EIF4G3: variants seen among roughly 807,000 people sequenced by gnomAD.
EIF4G3 encodes the protein eukaryotic translation initiation factor 4 gamma 3.
A neutral mutation model predicts 186.4 loss-of-function variants in EIF4G3; 34 were observed. The ratio of observed to expected loss-of-function variants is 0.18; its 90% CI spans 0.14 to 0.24. The LOEUF (loss-of-function observed/expected upper bound fraction) is 0.24. Among genes scored for constraint, EIF4G3 ranks in the 10% least tolerant of loss-of-function variants. EIF4G3 has a pLI of 1.00. For synonymous variants in EIF4G3, 673 were observed against 679.5 expected (o/e 0.99, Z 0.15); for missense variants, 1,536 against 1,948.5 (o/e 0.79, Z 3.99).
chr1:21,139,411 C>G (rs914072279), intron 2 of EIF4G3, among the ~76,000 whole-genome samples: 1 of 152,102 alleles, frequency 6.6e-6, no homozygotes, highest in Admixed American at 6.6e-5. Context: ...GCTACAATCT[C>G]ACCACTGCAC....
intron 4 of EIF4G3, among the ~76,000 whole-genome samples, chr1:21,031,870 C>CA (rs1250078724): frequency 6.6e-6 from 1 of 152,114 alleles, no homozygotes; most frequent in African/African-American, 2.4e-5. Context: ...ATACAAGTGG[C>CA]AGTTCATAAG....
intron 4 of EIF4G3, among the ~76,000 whole-genome samples, 182 bp from the exon 5 acceptor site, chr1:21,002,990 C>CT (rs5772933): frequency 0.5 from 70,730 of 141,138 alleles, 18,070 homozygotes; most frequent in East Asian, 0.76. Flanking sequence ...CCTTTTCTTT[C>CT]TTTTTTTTTT....
At chr1:20,905,152 T>G (rs548939574) in intron 14 of EIF4G3, among the ~76,000 whole-genome samples, 181 bp from the exon 15 acceptor site, 1 of 152,342 alleles carries the variant, frequency 6.6e-6, no homozygotes, top group East Asian at 1.9e-4. Flanking sequence ...ACATCAAGTG[T>G]TGTGGGTACA....
chr1:21,100,614 A>G (rs1206366809), intron 2 of EIF4G3, among the ~76,000 whole-genome samples: 2 of 152,072 alleles, frequency 1.3e-5, no homozygotes, highest in Admixed American at 1.3e-4. Context: ...TATAGTCCCA[A>G]CTACTCAGGA....
At chr1:21,119,508 T>C (rs539958952) in intron 2 of EIF4G3, among the ~76,000 whole-genome samples, 1 of 152,158 alleles carries the variant, frequency 6.6e-6, no homozygotes, top group African/African-American at 2.4e-5. Context: ...CTGGAAATCA[T>C]GCTGACTAGT....
intron 14 of EIF4G3, among the ~76,000 whole-genome samples, chr1:20,908,833 G>C (rs746403258): frequency 2.6e-5 from 4 of 152,092 alleles, no homozygotes; most frequent in Non-Finnish European, 4.4e-5. Context: ...TTTAAAAATA[G>C]TTTTCCCTGA....
At chr1:21,022,968 G>A (rs1371986309) in intron 4 of EIF4G3, among the ~76,000 whole-genome samples, 1 of 152,160 alleles carries the variant, frequency 6.6e-6, no homozygotes, top group Non-Finnish European at 1.5e-5. Flanking sequence ...CTTCGAGGAT[G>A]CTAATTAGTA....
chr1:20,823,380 A>G (rs528986490), intron 33 of EIF4G3, among the ~76,000 whole-genome samples: 9 of 151,552 alleles, frequency 5.9e-5, no homozygotes, highest in African/African-American at 2.2e-4. Context: ...GCTTTTGTTT[A>G]TTTATTTTAT....
chr1:21,110,523 G>A (rs906587348), intron 2 of EIF4G3, among the ~76,000 whole-genome samples: 1 of 152,126 alleles, frequency 6.6e-6, no homozygotes, highest in Non-Finnish European at 1.5e-5. Flanking sequence ...TTGAACTCCT[G>A]AGCTCAGGCA....
chr1:21,150,419 G>A (rs999130460), intron 2 of EIF4G3, among the ~76,000 whole-genome samples: 2 of 152,094 alleles, frequency 1.3e-5, no homozygotes, highest in African/African-American at 4.8e-5. Context: ...TGAAAAATTT[G>A]AGGGAACCTA....
At chr1:20,963,344 T>C (rs929328476) in intron 12 of EIF4G3, among the ~76,000 whole-genome samples, 4 of 151,394 alleles carry the variant, frequency 2.6e-5, no homozygotes, top group African/African-American at 9.7e-5. Flanking sequence ...AATTATCATA[T>C]AAACGAACCC....
intron 18 of EIF4G3, among the ~76,000 whole-genome samples, chr1:20,892,374 G>C (rs947190764): frequency 3.9e-5 from 6 of 152,188 alleles, no homozygotes; most frequent in African/African-American, 1.4e-4. Context: ...GGAGTAGGCA[G>C]AGCCTGCCGA....
intron 29 of EIF4G3, among the ~76,000 whole-genome samples, chr1:20,845,121 G>GT (rs1366330712): frequency 6.6e-6 from 1 of 152,036 alleles, no homozygotes; most frequent in Non-Finnish European, 1.5e-5. Context: ...TCCATCTTTA[G>GT]TTGATTTTTG....
intron 17 of EIF4G3, 54 bp from the exon 18 acceptor site, chr1:20,893,690 A>G (rs1265696806): frequency 7.0e-7 from 1 of 1,423,436 alleles, no homozygotes; most frequent in African/African-American, 1.4e-5. Context: ...ATTCCCTGCC[A>G]CAAAAGATAA....
intron 2 of EIF4G3, among the ~76,000 whole-genome samples, chr1:21,108,681 A>AC (rs2096660124): frequency 6.7e-6 from 1 of 150,094 alleles, no homozygotes; most frequent in African/African-American, 2.5e-5. Flanking sequence ...AGGCAAGCAG[A>AC]TTACCTGAGC....
chr1:20,939,819 T>G (rs1270781762), intron 14 of EIF4G3, among the ~76,000 whole-genome samples: 1 of 150,368 alleles, frequency 6.7e-6, no homozygotes, highest in Non-Finnish European at 1.5e-5. Flanking sequence ...GGCATTTACC[T>G]ACAGCCACAC....
intron 16 of EIF4G3, 110 bp from the exon 17 acceptor site, chr1:20,895,611 A>C (rs962757456): frequency 3.4e-6 from 4 of 1,186,972 alleles, no homozygotes; most frequent in Non-Finnish European, 3.5e-6. Flanking sequence ...TGCATATACA[A>C]CATTATAGCC....
At chr1:20,980,932 A>T in intron 9 of EIF4G3, 116 bp downstream of exon 9, 3 of 760,922 alleles carry the variant, frequency 3.9e-6, no homozygotes, top group Non-Finnish European at 5.8e-6. Context: ...CCAACAAAAC[A>T]GTTCACACGT....
At chr1:20,839,296 A>G (rs1006375248) in intron 30 of EIF4G3, among the ~76,000 whole-genome samples, 3 of 151,580 alleles carry the variant, frequency 2.0e-5, no homozygotes, top group Non-Finnish European at 2.9e-5. Flanking sequence ...TATTTTTAGT[A>G]GAGACGGGGT....
Sources: gnomAD v4.1 joint callset for allele counts (sites outside exome capture counted in the v4.1 genomes callset) on GRCh38, gnomAD v4.1.1 for gene constraint, MANE v1.5 for transcripts, NCBI Gene and HGNC (gene_info 2026-07-23, HGNC 2026-07-21) for gene names.